Variants in ZNF385D observed in about 807,000 individuals in gnomAD.
ZNF385D encodes zinc finger protein 659.
Under a neutral mutation model 35.8 loss-of-function variants are expected in ZNF385D, and 15 were observed. The observed-to-expected ratio is 0.42, with a 90% CI of 0.28 to 0.64. The LOEUF (loss-of-function observed/expected upper bound fraction) is 0.64. Among genes scored for constraint, ZNF385D ranks in the 30% least tolerant of loss-of-function variants. The pLI, the probability that ZNF385D is intolerant of heterozygous loss-of-function variation, is 0.23. For missense variants in ZNF385D, 474 were observed against 494.6 expected (o/e 0.96, Z 0.39); for synonymous variants, 212 against 186.8 (o/e 1.13, Z -1.10).
At position 22,128,548 on chromosome 3, in the gene ZNF385D, T is replaced by A. The variant is rs905207222; in HGVS notation, c.325+40269A>T. On this transcript the variant is annotated intron_variant, in intron 3 of 5. Coordinates refer to the ZNF385D transcript ENST00000494108. ...TTTAGGCTATTTTCTAGATCTTGTATGTGTGTCTTATTATTTTTTATTCTT... is the reference window on the plus strand; with the variant it reads ...TTTAGGCTATTTTCTAGATCTTGTAAGTGTGTCTTATTATTTTTTATTCTT... Among the ~76,000 whole-genome samples the A allele has an allele frequency of 2.0e-5, 3 of 152,282 alleles. No individual in the cohort carries two copies. In the East Asian group the frequency reaches 5.8e-4, roughly 29 times the overall value.
intron 3 of ZNF385D, among the ~76,000 whole-genome samples, chr3:21,862,400 C>T (rs1697105461): frequency 6.6e-6 from 1 of 151,560 alleles, no homozygotes; most frequent in Non-Finnish European, 1.5e-5. Flanking sequence ...GGAATGTCGA[C>T]CAGCCTGAGA....
intron 3 of ZNF385D, among the ~76,000 whole-genome samples, chr3:22,164,628 G>A (rs1706196779): frequency 6.7e-6 from 1 of 148,190 alleles, no homozygotes; most frequent in African/African-American, 2.5e-5. Flanking sequence ...TTTTTTGAGT[G>A]AAACCACTTA....
chr3:22,046,712 C>G (rs1384777522), intron 3 of ZNF385D, among the ~76,000 whole-genome samples: 2 of 152,084 alleles, frequency 1.3e-5, no homozygotes, highest in African/African-American at 4.8e-5. Context: ...TAGATTCTCA[C>G]TAAACTAGGT....
chr3:21,663,209 A>G (rs1470333716), intron 2 of ZNF385D, among the ~76,000 whole-genome samples: 1 of 152,208 alleles, frequency 6.6e-6, no homozygotes, highest in African/African-American at 2.4e-5. Context: ...AAATAGCAGC[A>G]AAGAAGGTAA....
At chr3:21,444,646 C>T (rs1252883755) in intron 4 of ZNF385D, among the ~76,000 whole-genome samples, 1 of 151,780 alleles carries the variant, frequency 6.6e-6, no homozygotes, top group Non-Finnish European at 1.5e-5. Context: ...CTCGGCCTCC[C>T]AAAGTGCTGG....
At chr3:21,598,755 C>T (rs2064196674) in intron 2 of ZNF385D, among the ~76,000 whole-genome samples, 1 of 152,160 alleles carries the variant, frequency 6.6e-6, no homozygotes. Context: ...TATGGGAATG[C>T]TAATTTCTAA....
At chr3:21,752,102 C>T (rs1335860885), upstream of ZNF385D, among the ~76,000 whole-genome samples, 2 of 147,744 alleles carry the variant, frequency 1.4e-5, no homozygotes, top group Admixed American at 7.0e-5. Context: ...GCCTCTGGCT[C>T]CTCCAATGGT....
chr3:21,786,031 T>TC (rs1670540767), intron 3 of ZNF385D, among the ~76,000 whole-genome samples: 1 of 152,010 alleles, frequency 6.6e-6, no homozygotes, highest in East Asian at 1.9e-4. Flanking sequence ...CCTTTTTTTT[T>TC]TTACCATGTG....
intron 3 of ZNF385D, among the ~76,000 whole-genome samples, chr3:21,960,091 T>C (rs897652158): frequency 1.5e-5 from 2 of 136,188 alleles, no homozygotes; most frequent in African/African-American, 2.7e-5. Context: ...AAGAATACAA[T>C]CAAAAAGTGA....
chr3:22,200,182 G>A (rs1696687639), intron 2 of ZNF385D, among the ~76,000 whole-genome samples: 1 of 152,038 alleles, frequency 6.6e-6, no homozygotes. Context: ...TTAATAGAGG[G>A]AGGTCAATTC....
intron 2 of ZNF385D, among the ~76,000 whole-genome samples, chr3:21,628,831 A>G (rs113788554): frequency 0.023 from 3,479 of 152,230 alleles, 81 homozygotes; most frequent in South Asian, 0.11. Flanking sequence ...CTAAATTTCT[A>G]TAGCACTTAC....
intron 3 of ZNF385D, among the ~76,000 whole-genome samples, chr3:21,557,177 CCTGGCCAGAA>C (rs2062772358): frequency 6.6e-6 from 1 of 152,144 alleles, no homozygotes; most frequent in South Asian, 2.1e-4. Context: ...TGCCTGATCC[CCTGGCCAGAA>C]CTTCCGATGC....
chr3:21,873,146 A>C (rs561015506), intron 3 of ZNF385D, among the ~76,000 whole-genome samples: 4 of 152,160 alleles, frequency 2.6e-5, no homozygotes, highest in African/African-American at 9.6e-5. Context: ...TTACAGGTAG[A>C]TAGCTAGATG....
intron 2 of ZNF385D, among the ~76,000 whole-genome samples, chr3:22,179,325 G>A (rs1164913882): frequency 6.6e-6 from 1 of 152,152 alleles, no homozygotes; most frequent in African/African-American, 2.4e-5. Context: ...GGATTCCTAG[G>A]TATTTTATTC....
At chr3:22,001,676 C>T (rs1695853209) in intron 3 of ZNF385D, among the ~76,000 whole-genome samples, 1 of 152,094 alleles carries the variant, frequency 6.6e-6, no homozygotes, top group East Asian at 1.9e-4. Flanking sequence ...AATACACATT[C>T]TTCTCATTAG....
chr3:21,494,897 G>A (rs1271003126), intron 4 of ZNF385D, among the ~76,000 whole-genome samples: 2 of 152,134 alleles, frequency 1.3e-5, no homozygotes, highest in Non-Finnish European at 2.9e-5. Context: ...ACAAATACTG[G>A]TTAACAATAT....
intron 2 of ZNF385D, among the ~76,000 whole-genome samples, chr3:21,581,754 A>G (rs545795640): frequency 5.4e-4 from 83 of 152,318 alleles, no homozygotes; most frequent in African/African-American, 2.0e-3. Flanking sequence ...AGTAAAATTA[A>G]TAATCTAGCT....
chr3:22,260,575 T>C (rs776988607), intron 2 of ZNF385D, among the ~76,000 whole-genome samples: 2 of 151,980 alleles, frequency 1.3e-5, no homozygotes, highest in African/African-American at 2.4e-5. Context: ...TAATCTCTTA[T>C]AGGAAGAATA....
At chr3:22,313,243 C>T (rs1418209741) in intron 2 of ZNF385D, among the ~76,000 whole-genome samples, 1 of 122,246 alleles carries the variant, frequency 8.2e-6, no homozygotes, top group Non-Finnish European at 1.6e-5. Context: ...ACACCAGGGA[C>T]TGTTGTGCGG....
Sources: gnomAD v4.1 joint callset for allele counts (sites outside exome capture counted in the v4.1 genomes callset) on GRCh38, gnomAD v4.1.1 for gene constraint, MANE v1.5 for transcripts, NCBI Gene and HGNC (gene_info 2026-07-23, HGNC 2026-07-21) for gene names.